The following DZIP1L variants were observed in gnomAD, a reference collection of about 807,000 sequenced individuals.
The protein encoded by DZIP1L is cilium assembly protein DZIP1L.
In DZIP1L, 90 loss-of-function variants were observed where a neutral mutation model predicts 88.7. The ratio of observed to expected loss-of-function variants is 1.02; its 90% CI spans 0.86 to 1.21. DZIP1L has a LOEUF of 1.21. Among genes scored for constraint, DZIP1L ranks in the 50% most tolerant of loss-of-function variants. The pLI is 0.00. For synonymous variants in DZIP1L, 363 were observed against 372.1 expected (o/e 0.98, Z 0.28); for missense variants, 932 against 955.8 (o/e 0.98, Z 0.33).
At chr3:138,101,522 C>T (rs529739076) in intron 2 of DZIP1L, 5 of 796,834 alleles carry the variant, frequency 6.3e-6, no homozygotes, top group Middle Eastern at 3.1e-4. Flanking sequence ...AGCTTCCCAT[C>T]GCAAGTCTCT....
chr3:138,099,489 T>G (rs546655103), intron 2 of DZIP1L, among the ~76,000 whole-genome samples: 1 of 152,338 alleles, frequency 6.6e-6, no homozygotes, highest in South Asian at 2.1e-4. Context: ...GTCTTAGAGA[T>G]TCTGAGATCC....
In DZIP1L at chr3:138,115,525, G is replaced by C. The variant is rs1000015670; in HGVS notation, c.-279C>G. On this transcript the variant is annotated 5_prime_UTR_variant, in exon 1 of 16. Transcript: ENST00000327532. ...CCGGGCGCTCTCTGCGGCGGAGGCA[G>C]AGCCTGCCCGGCCCACTCCAGTGCC... 1 of 152,284 alleles carries C rather than the reference G, an allele frequency of 6.6e-6. No homozygotes were observed. The highest frequency in any genetic ancestry group is 1.9e-4 in the East Asian group (1 of 5,170). 9.4% of individuals were successfully genotyped at this position (152,284 alleles called of 1,614,324 possible). A position where few individuals can be genotyped will look rare whatever the true frequency, so the allele number is the denominator to read the frequency against.
At position 138,068,182 on chromosome 3, in the gene DZIP1L, TG is replaced by T; in HGVS notation, c.1800del (p.Ser601AlafsTer10). 9 of 1,561,086 alleles carry T rather than the reference TG, an allele frequency of 5.8e-6. No individual in the cohort carries two copies. Among genetic ancestry groups the T allele is most frequent in the Non-Finnish European group, 7.8e-6 (9 of 1,151,280 alleles). ...CCGGGCCCCGAGGAAGGAGGGGTGC[TG>T]GAGGGTCCATGCAGTCCGGGGCGTG... ...PAPRPGLHGP[S>X]STPPSSGPGM... On this transcript the variant is annotated frameshift_variant, in exon 13 of 16. Coordinates refer to ENST00000327532, the MANE Select transcript of DZIP1L (RefSeq NM_173543.3). LOFTEE classifies it high-confidence loss of function.
rs1261387368 is a variant in DZIP1L, at chr3:138,088,401, A to C, written c.977T>G (p.Leu326Arg). ...CACCTGAATTTCTGTCTTCTCTCTC[A>C]GGGCCTGAAGCTCCCGTGCCTGCCG... ...WLRQARELQA[L>R]REKTEIQKTE... The change falls in exon 6 of 16, where the codon CTG becomes CGG. Residue 326 changes from leucine to arginine, a missense_variant. Physicochemically the swap from Leu to Arg is moderately radical, Grantham distance 102. Coordinates refer to ENST00000327532, the MANE Select transcript of DZIP1L (RefSeq NM_173543.3). 2 of 1,613,016 alleles carry C rather than the reference A, an allele frequency of 1.2e-6. No homozygotes were observed. The highest frequency in any genetic ancestry group is 1.7e-6 in the Non-Finnish European group (2 of 1,179,586).
At position 138,094,735 on chromosome 3, in the gene DZIP1L, A is replaced by G. The variant is rs185518490; in HGVS notation, c.708+127T>C. The G allele has an allele frequency of 2.0e-5, 28 of 1,434,084 alleles. No homozygotes were observed. In the Admixed American group the frequency reaches 5.3e-4, roughly 27 times the overall value. The allele number at this position is 1,434,084 out of a possible 1,614,324, so 88.8% of individuals were successfully genotyped here. On this transcript the variant is annotated intron_variant, in intron 4 of 15. Coordinates refer to ENST00000327532, the MANE Select transcript of DZIP1L (RefSeq NM_173543.3). ...CATTTGCCATGTCCAAGAAGGCACT[A>G]TCCCAGCTCTGACTCCCAGCTCTGG...
chr3:138,093,576 T>C (rs886923803), intron 4 of DZIP1L, among the ~76,000 whole-genome samples: 2 of 152,252 alleles, frequency 1.3e-5, no homozygotes, highest in Non-Finnish European at 2.9e-5. Context: ...AGGTTGTTTT[T>C]TCTACACTGA....
Position 138,112,808 on chromosome 3 carries a change from G to A in DZIP1L, c.-82+2520C>T, listed in dbSNP as rs199898676. On this transcript the variant is annotated intron_variant, in intron 1 of 15. Coordinates refer to ENST00000327532, the MANE Select transcript of DZIP1L (RefSeq NM_173543.3). ...CTAAAAATACAAAAATTAGCTGGGC[G>A]TGGTGGCTCATGCCTGTAGTCCCAG... 1.7e-4 allele frequency among the ~76,000 whole-genome samples: 26 copies of A among 152,260 alleles called. No homozygotes were observed. In the East Asian group the frequency reaches 2.7e-3, roughly 16 times the overall value.
chr3:138,071,750 GA>G lies in DZIP1L; in HGVS notation c.1507del (p.Ser503LeufsTer4). 1 of 1,614,176 alleles carries G rather than the reference GA, an allele frequency of 6.2e-7. No individual in the cohort carries two copies. Among genetic ancestry groups the G allele is most frequent in the Non-Finnish European group, 8.5e-7 (1 of 1,180,044 alleles). On this transcript the variant is annotated frameshift_variant, in exon 12 of 16. Coordinates refer to ENST00000327532, the MANE Select transcript of DZIP1L (RefSeq NM_173543.3). LOFTEE classifies it high-confidence loss of function. ...CTTTCCCCTCAGACTCAGAAATTCAGAAAACTTCCGGGCCTTCTGCTCCCGC... is the reference window on the plus strand; with the variant it reads ...CTTTCCCCTCAGACTCAGAAATTCAGAAACTTCCGGGCCTTCTGCTCCCGC... Reference protein sequence around the residue: ...VQREQKARKFSEFLSLRGKLV... With the variant: ...VQREQKARKFXEFLSLRGKLV...
At chr3:138,091,928 C>T (rs1944254444) in intron 5 of DZIP1L, among the ~76,000 whole-genome samples, 1 of 152,056 alleles carries the variant, frequency 6.6e-6, no homozygotes, top group Admixed American at 6.5e-5. Flanking sequence ...GGCATGTAAC[C>T]AGTATTCAGG....
At position 138,103,603 on chromosome 3, in the gene DZIP1L, C is replaced by T. The variant is rs373951581; in HGVS notation, c.369G>A (p.Gln123=). 1 of 1,606,954 alleles carries T rather than the reference C, an allele frequency of 6.2e-7. No individual in the cohort carries two copies. Among genetic ancestry groups the T allele is most frequent in the Non-Finnish European group, 8.5e-7 (1 of 1,179,370 alleles). The change falls in exon 2 of 16, where the codon CAG becomes CAA. Residue 123 remains glutamine (Q), a synonymous_variant. Transcript: ENST00000327532. ...GGCGTCCCAGCTCCTGCTGACCACGCTGCTGCTGGCCCAGGCTGGTCTGCA... is the reference window on the plus strand; with the variant it reads ...GGCGTCCCAGCTCCTGCTGACCACGTTGCTGCTGGCCCAGGCTGGTCTGCA... The part of the protein sequence containing the change: ...ARLQTSLGQQ[Q]RGQQELGRQA...
chr3:138,101,636 G>C (rs2042315178), intron 2 of DZIP1L: 1 of 792,260 alleles, frequency 1.3e-6, no homozygotes, highest in Admixed American at 1.7e-5. Flanking sequence ...CTGAGGCCAG[G>C]GCTTGTGAGG....
At position 138,067,566 on chromosome 3, in the gene DZIP1L, G is replaced by C; in HGVS notation, c.1967C>G (p.Ser656Trp). ...DDWDWSDTET[S>W]EENAQPPGQG... ...GCCAGGGGGCTGGGCATTCTCCTCC[G>C]AGGTCTCTGTGTCAGACCAGTCCCA... is the stretch of plus-strand genomic sequence containing the variant. Residue 656 changes from serine (S) to tryptophan (W), a missense_variant, in exon 14 of 16, where the codon TCG becomes TGG. Physicochemically the swap from Ser to Trp is radical, Grantham distance 177. Coordinates refer to ENST00000327532, the MANE Select transcript of DZIP1L (RefSeq NM_173543.3). The C allele has an allele frequency of 1.9e-6, 3 of 1,610,390 alleles. No individual in the cohort carries two copies. Among genetic ancestry groups the C allele is most frequent in the Non-Finnish European group, 2.5e-6 (3 of 1,178,426 alleles).
At chr3:138,068,941 A>AAG (rs1190645979) in intron 12 of DZIP1L, 1 of 1,254,756 alleles carries the variant, frequency 8.0e-7, no homozygotes, top group Middle Eastern at 3.0e-4. Flanking sequence ...ATGGGAAGAG[A>AAG]AGAGAGAGAG....
chr3:138,083,789 G>C (rs140227339), intron 8 of DZIP1L, among the ~76,000 whole-genome samples: 1 of 152,198 alleles, frequency 6.6e-6, no homozygotes, highest in Non-Finnish European at 1.5e-5. Flanking sequence ...GGAGAAGGGG[G>C]ATGCCTACCT....
chr3:138,097,857 G>A lies in DZIP1L; in HGVS notation c.502-10C>T, dbSNP rs1048917455. The A allele has an allele frequency of 1.3e-5, 21 of 1,608,400 alleles. No homozygotes were observed. Among genetic ancestry groups the A allele is most frequent in the Admixed American group, 1.7e-5 (1 of 59,384 alleles). On this transcript the variant is annotated splice_polypyrimidine_tract_variant and intron_variant, in intron 2 of 15. Coordinates refer to ENST00000327532, the MANE Select transcript of DZIP1L (RefSeq NM_173543.3). ...TGTCACACAGGTGGCACTATACAGA[G>A]AGGAAGCAATGGGGAGTACAAGATT...
chr3:138,097,831 T>C lies in DZIP1L; in HGVS notation c.518A>G (p.Lys173Arg). 2 of 1,612,730 alleles carry C rather than the reference T, an allele frequency of 1.2e-6. No individual in the cohort carries two copies. Among genetic ancestry groups the C allele is most frequent in the Non-Finnish European group, 1.7e-6 (2 of 1,179,468 alleles). ...HSYHTCHLCD[K>R]TFMNATFLRG... Reference sequence around the variant, plus strand: ...GAGAAAGGTGGCATTCATGAATGTCTTGTCACACAGGTGGCACTATACAGA... The same window carrying C: ...GAGAAAGGTGGCATTCATGAATGTCCTGTCACACAGGTGGCACTATACAGA... Residue 173 changes from lysine (K) to arginine (R), a missense_variant, in exon 3 of 16, where the codon AAG becomes AGG. Transcript: ENST00000327532.
rs747753833 is a variant in DZIP1L at position 138,067,636 on chromosome 3, G to T, written c.1897C>A (p.Pro633Thr). 2 of 1,610,886 alleles carry T rather than the reference G, an allele frequency of 1.2e-6. No individual in the cohort carries two copies. The highest frequency in any genetic ancestry group is 1.7e-6 in the Non-Finnish European group (2 of 1,178,506). The change falls in exon 14 of 16, where the codon CCC becomes ACC. Residue 633 changes from proline (P) to threonine (T), a missense_variant. By Grantham distance (38) the Pro-to-Thr change is conservative. Coordinates refer to ENST00000327532, the MANE Select transcript of DZIP1L (RefSeq NM_173543.3). ...ACCATCCTGGAAGGAACTTTTGGGG[G>T]CTGTAGAGACACACGCTGCACACGG... ...GDRVQRVSLQ[P>T]PKVPSRMVPR... is the part of the protein sequence containing the mutation.
At chr3:138,101,248 G>A (rs2042299384) in intron 2 of DZIP1L, among the ~76,000 whole-genome samples, 1 of 147,588 alleles carries the variant, frequency 6.8e-6, no homozygotes, top group South Asian at 2.1e-4. Context: ...GGCAGAGATA[G>A]CTGAGGTTTT....
At chr3:138,101,996 G>T (rs2042333328) in intron 2 of DZIP1L, 1 of 1,537,162 alleles carries the variant, frequency 6.5e-7, no homozygotes, top group Non-Finnish European at 9.0e-7. Context: ...TCATCTCAGA[G>T]ATCTCAGTCT....
Sources: gnomAD v4.1 joint callset for allele counts (sites outside exome capture counted in the v4.1 genomes callset) on GRCh38, gnomAD v4.1.1 for gene constraint, MANE v1.5 for transcripts, NCBI Gene and HGNC (gene_info 2026-07-23, HGNC 2026-07-21) for gene names.